MAST1: variants seen among roughly 807,000 people sequenced by gnomAD.
MAST1 encodes microtubule-associated serine/threonine-protein kinase 1.
MAST1 carries 40 observed loss-of-function variants against 124.6 expected under a neutral mutation model. The ratio of observed to expected loss-of-function variants is 0.32; its 90% CI spans 0.25 to 0.42. MAST1 has a LOEUF of 0.42. Ranked by LOEUF, MAST1 falls within the 10% of genes least tolerant of loss-of-function variation. The probability of loss-of-function intolerance (pLI) is 1.00; values close to 1 mark genes in which losing one functional copy is unlikely to be tolerated. For missense variants in MAST1, 1,558 were observed against 2,181.9 expected (o/e 0.71, Z 5.70); for synonymous variants, 938 against 939.4 (o/e 1.00, Z 0.03).
At chr19:12,870,682 T>TG (rs1970222038) in intron 22 of MAST1, 142 bp from the exon 23 acceptor site, 4 of 672,736 alleles carry the variant, frequency 5.9e-6, no homozygotes, top group Non-Finnish European at 6.4e-6. Flanking sequence ...AAAAAAAATG[T>TG]GGGGGGAGGA....
intron 10 of MAST1, among the ~76,000 whole-genome samples, chr19:12,855,174 C>T (rs1439443032): frequency 1.3e-5 from 2 of 151,984 alleles, no homozygotes; most frequent in Admixed American, 6.6e-5. Context: ...ACAAAGATTG[C>T]AGTGAGCCGA....
At chr19:12,853,251 A>C (rs1415962146) in intron 10 of MAST1, among the ~76,000 whole-genome samples, 1 of 149,276 alleles carries the variant, frequency 6.7e-6, no homozygotes, top group Non-Finnish European at 1.5e-5. Context: ...GATTACAGGC[A>C]TGAGCCACCG....
chr19:12,843,621 G>A lies in MAST1; in HGVS notation c.327+14G>A, dbSNP rs1191785945. ...TCCACCGTCTCGGTGAGTGTGGAAA[G>A]TAGGTGGGTGGGCCGGTGGGTAAGG... On this transcript the variant is annotated intron_variant, in intron 4 of 25. Transcript: ENST00000251472. The surrounding 1 kb of genome is among the most constrained non-coding windows in gnomAD (Gnocchi z 4.9). 1 of 1,611,372 alleles carries A rather than the reference G, an allele frequency of 6.2e-7. No individual in the cohort carries two copies. The highest frequency in any genetic ancestry group is 8.5e-7 in the Non-Finnish European group (1 of 1,178,768).
chr19:12,870,741 C>T (rs1305992880), intron 22 of MAST1, 83 bp from the exon 23 acceptor site: 26 of 1,405,864 alleles, frequency 1.8e-5, no homozygotes, highest in Non-Finnish European at 2.4e-5. Context: ...GCATGCAGAG[C>T]TAAGTGTCCT....
intron 22 of MAST1, among the ~76,000 whole-genome samples, chr19:12,870,053 C>T (rs1470179102): frequency 4.7e-5 from 7 of 149,284 alleles, no homozygotes; most frequent in African/African-American, 1.7e-4. Flanking sequence ...TGGTGGTGGG[C>T]GCCTGTAGTC....
At chr19:12,867,429 G>C (rs778031294) in intron 18 of MAST1, 45 bp from the exon 19 acceptor site, 1 of 1,608,648 alleles carries the variant, frequency 6.2e-7, no homozygotes. Flanking sequence ...GCTCCGGAGT[G>C]AAAGTGGAAC....
intron 1 of MAST1, among the ~76,000 whole-genome samples, chr19:12,840,135 C>T (rs972583500): frequency 6.6e-6 from 1 of 152,234 alleles, no homozygotes; most frequent in Admixed American, 6.5e-5. Context: ...GAATGTCACG[C>T]ATAGACTGAG....
Position 12,874,486 on chromosome 19 carries a change from C to A in MAST1, c.4329C>A (p.Pro1443=). ...CCATTGTCGTAGAGCCTGCGCGGCC[C>A]GGGGCTAAGGCTGTGGTGCCTCAGC... The part of the protein sequence containing the change: ...LVPIVVEPAR[P]GAKAVVPQPL... The change falls in exon 26 of 26, where the codon CCC becomes CCA. Residue 1443 remains proline, a synonymous_variant. Transcript: ENST00000251472. This position sits in a 1 kb window ranked among gnomAD's most constrained non-coding sequence, Gnocchi z 6.6. 1 of 1,569,012 alleles carries A rather than the reference C, an allele frequency of 6.4e-7. No individual in the cohort carries two copies. Among genetic ancestry groups the A allele is most frequent in the African/African-American group, 1.3e-5 (1 of 74,278 alleles).
rs992853278 is a variant in MAST1, at chr19:12,843,303, G to T, written c.249-226G>T. The stretch of plus-strand genomic sequence containing the variant: ...TGTCCACTCTGAATGATAAGAGAGG[G>T]GACCGTGGGGAGGAGAGTGGAGACG... On this transcript the variant is annotated intron_variant, in intron 3 of 25. Transcript: ENST00000251472. This position sits in a 1 kb window ranked among gnomAD's most constrained non-coding sequence, Gnocchi z 4.9. Among the ~76,000 whole-genome samples, 1 of 152,058 alleles carries T rather than the reference G, an allele frequency of 6.6e-6. No homozygotes were observed. The highest frequency in any genetic ancestry group is 6.5e-5 in the Admixed American group (1 of 15,268).
In MAST1 at chr19:12,871,178, CACAGCCGTAA is replaced by C; in HGVS notation, c.3263+13_3263+22del. The C allele has an allele frequency of 1.2e-6, 2 of 1,613,942 alleles. No homozygotes were observed. The highest frequency in any genetic ancestry group is 1.7e-6 in the Non-Finnish European group (2 of 1,179,964). ...GCCAAGGAGGGCCAGGAGAGGTGGG[CACAGCCGTAA>C]ACAGCCTGGTCTTTGAGCAGTGGGT... On this transcript the variant is annotated splice_region_variant and intron_variant, in intron 24 of 25. Transcript: ENST00000251472.
rs1323664865 is a variant in MAST1, at chr19:12,840,554, C to G, written c.172+20C>G. ...ACCTAGGTGAGGCCAGTGGTAGAGA[C>G]TTGGTGGGTGCAGACTGGCCTACAG... On this transcript the variant is annotated intron_variant, in intron 2 of 25. Transcript: ENST00000251472. 1.3e-6 allele frequency: 2 copies of G among 1,584,396 alleles called. No homozygotes were observed. The highest frequency in any genetic ancestry group is 2.2e-5 in the South Asian group (2 of 89,880).
At position 12,865,892 on chromosome 19, in the gene MAST1, T is replaced by TGCTGTGGCCCCGG; in HGVS notation, c.1906+76_1907-74dup. On this transcript the variant is annotated intron_variant, in intron 16 of 25. Coordinates refer to ENST00000251472, the MANE Select transcript of MAST1 (RefSeq NM_014975.3). This position sits in a 1 kb window ranked among gnomAD's most constrained non-coding sequence, Gnocchi z 7.1. Reference sequence around the variant, plus strand: ...CCTCCAAAACCCCAGGCCCAGCCTGTGCTGTGGCCCCGGGGCGGAAGACAT... The same window carrying TGCTGTGGCCCCGG: ...CCTCCAAAACCCCAGGCCCAGCCTGTGCTGTGGCCCCGGGCTGTGGCCCCGGGGCGGAAGACAT... The TGCTGTGGCCCCGG allele has an allele frequency of 1.2e-6, 2 of 1,604,590 alleles. No homozygotes were observed. Among genetic ancestry groups the TGCTGTGGCCCCGG allele is most frequent in the Non-Finnish European group, 1.7e-6 (2 of 1,173,222 alleles).
At chr19:12,864,438 T>G (rs1970124810) in intron 12 of MAST1, among the ~76,000 whole-genome samples, 1 of 151,336 alleles carries the variant, frequency 6.6e-6, no homozygotes, top group Non-Finnish European at 1.5e-5. Flanking sequence ...AATCTGCATC[T>G]AAGGCTTCCA....
In MAST1 at chr19:12,847,713, G is replaced by A. The variant is rs1186603734; in HGVS notation, c.564+26G>A. ...GTGAGGTGGGACCCGAGGCGGTCACGGGGTGACCAGGCGGCCTGCACTCTC... is the reference window on the plus strand; with the variant it reads ...GTGAGGTGGGACCCGAGGCGGTCACAGGGTGACCAGGCGGCCTGCACTCTC... On this transcript the variant is annotated intron_variant, in intron 6 of 25. Coordinates refer to ENST00000251472, the MANE Select transcript of MAST1 (RefSeq NM_014975.3). This position sits in a 1 kb window ranked among gnomAD's most constrained non-coding sequence, Gnocchi z 5.5. The A allele has an allele frequency of 1.2e-6, 2 of 1,610,000 alleles. No homozygotes were observed. The highest frequency in any genetic ancestry group is 1.7e-5 in the Admixed American group (1 of 59,866).
Position 12,847,707 on chromosome 19 carries a change from G to C in MAST1, c.564+20G>C. On this transcript the variant is annotated intron_variant, in intron 6 of 25. Coordinates refer to ENST00000251472, the MANE Select transcript of MAST1 (RefSeq NM_014975.3). This position sits in a 1 kb window ranked among gnomAD's most constrained non-coding sequence, Gnocchi z 5.5. Reference sequence around the variant, plus strand: ...CCGAAGGTGAGGTGGGACCCGAGGCGGTCACGGGGTGACCAGGCGGCCTGC... The same window carrying C: ...CCGAAGGTGAGGTGGGACCCGAGGCCGTCACGGGGTGACCAGGCGGCCTGC... 2.5e-6 allele frequency: 4 copies of C among 1,611,790 alleles called. No homozygotes were observed. The highest frequency in any genetic ancestry group is 1.7e-6 in the Non-Finnish European group (2 of 1,178,696).
intron 7 of MAST1, among the ~76,000 whole-genome samples, chr19:12,849,825 C>T (rs1196332628): frequency 2.0e-5 from 3 of 151,808 alleles, no homozygotes; most frequent in Non-Finnish European, 4.4e-5. Flanking sequence ...GAGACAGAGT[C>T]TCACTCTATC....
intron 4 of MAST1, among the ~76,000 whole-genome samples, chr19:12,846,331 G>A (rs543454899): frequency 7.2e-5 from 11 of 152,172 alleles, no homozygotes; most frequent in South Asian, 4.2e-4. Flanking sequence ...GAGATTACAG[G>A]TGTGAGTCAC....
At chr19:12,857,424 T>G (rs1970029062) in intron 10 of MAST1, among the ~76,000 whole-genome samples, 1 of 150,540 alleles carries the variant, frequency 6.6e-6, no homozygotes, top group South Asian at 2.1e-4. Context: ...TCTTTTTTTT[T>G]TTTTTGAGAC....
At chr19:12,860,358 C>T (rs772148829) in intron 12 of MAST1, among the ~76,000 whole-genome samples, 1 of 151,674 alleles carries the variant, frequency 6.6e-6, no homozygotes, top group Non-Finnish European at 1.5e-5. Context: ...CCTCATGATC[C>T]GCCCACCTCG....
Sources: allele counts gnomAD v4.1 joint callset (sites outside exome capture counted in the v4.1 genomes callset), GRCh38; gene constraint gnomAD v4.1.1; non-coding constraint Gnocchi (gnomAD v3.1); transcripts MANE v1.5; gene names NCBI Gene and HGNC (gene_info 2026-07-23, HGNC 2026-07-21).